Variants in RFX4 observed in about 807,000 individuals in gnomAD.
The protein encoded by RFX4 is transcription factor RFX4.
A neutral mutation model predicts 95.0 loss-of-function variants in RFX4; 10 were observed. The ratio of observed to expected loss-of-function variants is 0.11; its 90% confidence interval spans 0.06 to 0.18. RFX4 has a LOEUF of 0.18. RFX4 is among the 10% of genes least tolerant of loss of function. The pLI is 1.00. For synonymous variants in RFX4, 321 were observed against 340.7 expected (o/e 0.94, Z 0.64); for missense variants, 640 against 922.0 (o/e 0.69, Z 3.96).
intron 8 of RFX4, among the ~76,000 whole-genome samples, chr12:106,699,427 T>C (rs1490083382): frequency 6.6e-6 from 1 of 152,192 alleles, no homozygotes; most frequent in African/African-American, 2.4e-5. Flanking sequence ...AGTTAATTGA[T>C]AGTATTGTTT....
chr12:106,643,482 T>C (rs2040678302), intron 3 of RFX4, among the ~76,000 whole-genome samples: 1 of 152,202 alleles, frequency 6.6e-6, no homozygotes, highest in Admixed American at 6.5e-5. Context: ...GTGGAGAACA[T>C]GTGACCTCCT....
chr12:106,680,012 G>C (rs375894500), intron 4 of RFX4, among the ~76,000 whole-genome samples: 3 of 152,128 alleles, frequency 2.0e-5, no homozygotes, highest in African/African-American at 7.2e-5. Context: ...CAAGAGTCAG[G>C]GTTAAAGAGA....
intron 4 of RFX4, among the ~76,000 whole-genome samples, chr12:106,671,005 A>G (rs1244562864): frequency 1.3e-5 from 2 of 152,300 alleles, no homozygotes; most frequent in East Asian, 3.9e-4. Flanking sequence ...TCCACAATAT[A>G]TGGTTATAAA....
intron 8 of RFX4, among the ~76,000 whole-genome samples, chr12:106,697,098 C>A (rs1592951688): frequency 6.6e-6 from 1 of 152,172 alleles, no homozygotes; most frequent in Non-Finnish European, 1.5e-5. Flanking sequence ...GGTTCCTTCA[C>A]TGGGCTGTGT....
chr12:106,750,666 G>C lies in RFX4; in HGVS notation c.1808G>C (p.Ser603Thr). 6.2e-7 allele frequency: 1 copy of C among 1,605,622 alleles called. No homozygotes were observed. Among genetic ancestry groups the C allele is most frequent in the African/African-American group, 1.3e-5 (1 of 74,504 alleles). Residue 603 changes from serine to threonine, a missense_variant, in exon 17 of 18, where the codon AGC (serine) becomes ACC (threonine). Coordinates refer to ENST00000392842, the MANE Select transcript of RFX4 (RefSeq NM_213594.3). ...PHREEHGYTG[S>T]YNYGSYGNQH... ...TTGATGCATTTTAGATACACGGGAA[G>C]CTATAACTATGGGAGCTATGGCAAC...
chr12:106,604,717 G>C (rs2039789201), intron 1 of RFX4, among the ~76,000 whole-genome samples: 1 of 152,140 alleles, frequency 6.6e-6, no homozygotes, highest in South Asian at 2.1e-4. Flanking sequence ...AATAAAACGG[G>C]CTCCATTATT....
At chr12:106,624,546 C>T (rs767592822) in intron 2 of RFX4, among the ~76,000 whole-genome samples, 7 of 152,156 alleles carry the variant, frequency 4.6e-5, no homozygotes, top group Middle Eastern at 3.4e-3. Context: ...CCAGGATGGT[C>T]TCAATCTCTT....
intron 3 of RFX4, among the ~76,000 whole-genome samples, chr12:106,642,430 AT>A (rs1324177205): frequency 6.6e-6 from 1 of 151,964 alleles, no homozygotes; most frequent in Admixed American, 6.5e-5. Flanking sequence ...AGCCTGGGCA[AT>A]ATAGTGAGAC....
chr12:106,652,155 T>C (rs1266534679), intron 3 of RFX4, among the ~76,000 whole-genome samples: 3 of 152,244 alleles, frequency 2.0e-5, no homozygotes, highest in Admixed American at 6.5e-5. Flanking sequence ...TTCCAATTTA[T>C]GATGTCAAAG....
At chr12:106,752,258 C>T (rs1303378655) in intron 17 of RFX4, among the ~76,000 whole-genome samples, 1 of 150,368 alleles carries the variant, frequency 6.7e-6, no homozygotes, top group Non-Finnish European at 1.5e-5. Flanking sequence ...AGATATGCGG[C>T]GTTATTTCTG....
At chr12:106,673,824 G>A (rs1184601176) in intron 4 of RFX4, among the ~76,000 whole-genome samples, 1 of 152,220 alleles carries the variant, frequency 6.6e-6, no homozygotes, top group Non-Finnish European at 1.5e-5. Flanking sequence ...CATTCAATGA[G>A]TCAATGAATT....
chr12:106,704,065 C>CA (rs34213070), intron 8 of RFX4, among the ~76,000 whole-genome samples: 9,756 of 40,590 alleles, frequency 0.24, 1,765 homozygotes, highest in African/African-American at 0.29. Context: ...GACACTGTCT[C>CA]AAAAAAAAAA....
intron 2 of RFX4, among the ~76,000 whole-genome samples, chr12:106,636,324 A>G (rs2040509666): frequency 6.7e-6 from 1 of 148,698 alleles, no homozygotes; most frequent in Non-Finnish European, 1.5e-5. Flanking sequence ...TGGGAGGTGG[A>G]TGTTGCAGTG....
At position 106,747,570 on chromosome 12, in the gene RFX4, A is replaced by G. The variant is rs1356904414; in HGVS notation, c.1767A>G (p.Ile589Met). 1.7e-5 allele frequency: 27 copies of G among 1,613,860 alleles called. No individual in the cohort carries two copies. The highest frequency in any genetic ancestry group is 3.3e-5 in the Admixed American group (2 of 59,984). The change falls in exon 16 of 18, where the codon ATA becomes ATG. Residue 589 changes from isoleucine (I) to methionine (M), a missense_variant. Ile to Met is a conservative substitution (Grantham distance 10). Coordinates refer to ENST00000392842, the MANE Select transcript of RFX4 (RefSeq NM_213594.3). ...CTTCTTCCTCCGTCACACACAGGAT[A>G]CCAGTTTATCCCCACAGAGAGGAAC... Reference protein sequence around the residue: ...HVPSSSVTHRIPVYPHREEHG... With the variant: ...HVPSSSVTHRMPVYPHREEHG...
chr12:106,730,282 G>GC (rs1172822497), intron 13 of RFX4, among the ~76,000 whole-genome samples: 1 of 152,196 alleles, frequency 6.6e-6, no homozygotes, highest in African/African-American at 2.4e-5. Context: ...TGCTCCACAA[G>GC]CCCCCAACTA....
At chr12:106,614,804 T>C (rs1377810745) in intron 2 of RFX4, among the ~76,000 whole-genome samples, 2 of 152,188 alleles carry the variant, frequency 1.3e-5, no homozygotes, top group Non-Finnish European at 2.9e-5. Flanking sequence ...CCACCACGCC[T>C]GGCCGCCTGT....
intron 16 of RFX4, among the ~76,000 whole-genome samples, chr12:106,750,098 TC>T (rs1488178085): frequency 6.6e-6 from 1 of 152,112 alleles, no homozygotes; most frequent in Non-Finnish European, 1.5e-5. Context: ...AAGGGAGGTA[TC>T]TTCTAGGTGT....
intron 4 of RFX4, among the ~76,000 whole-genome samples, chr12:106,677,567 G>A (rs1272712363): frequency 7.9e-5 from 12 of 152,120 alleles, no homozygotes; most frequent in Admixed American, 4.6e-4. Flanking sequence ...CGCTGAGGCC[G>A]GGTGTGGTGC....
chr12:106,700,198 A>C (rs545906999), intron 8 of RFX4, among the ~76,000 whole-genome samples: 2 of 151,424 alleles, frequency 1.3e-5, no homozygotes, highest in South Asian at 4.2e-4. Flanking sequence ...AGCCTGGCTA[A>C]TTTTTTTACT....
Sources: allele counts gnomAD v4.1 joint callset (sites outside exome capture counted in the v4.1 genomes callset), GRCh38; gene constraint gnomAD v4.1.1; transcripts MANE v1.5; gene names NCBI Gene and HGNC (gene_info 2026-07-23, HGNC 2026-07-21).